The following AEBP2 variants were observed in gnomAD, a reference collection of about 807,000 sequenced individuals.
AEBP2 encodes zinc finger protein AEBP2.
AEBP2 carries 10 observed loss-of-function variants against 50.8 expected under a neutral mutation model. The ratio of observed to expected loss-of-function variants is 0.20; its 90% CI spans 0.12 to 0.33. The LOEUF is 0.33. Ranked by LOEUF, AEBP2 falls within the 10% of genes least tolerant of loss-of-function variation. The pLI, the probability that AEBP2 is intolerant of heterozygous loss-of-function variation, is 1.00. For missense variants in AEBP2, 570 were observed against 688.0 expected (o/e 0.83, Z 1.92); for synonymous variants, 296 against 261.3 (o/e 1.13, Z -1.28).
chr12:19,420,562 G>A (rs886474519), intron 1 of AEBP2, among the ~76,000 whole-genome samples: 1 of 152,028 alleles, frequency 6.6e-6, no homozygotes, highest in Non-Finnish European at 1.5e-5. Context: ...TTGAACTCCT[G>A]TGATCTGCCT....
intron 1 of AEBP2, among the ~76,000 whole-genome samples, chr12:19,430,358 A>G (rs1414019647): frequency 2.6e-5 from 4 of 152,172 alleles, no homozygotes; most frequent in Admixed American, 1.3e-4. Context: ...TACCAGTACC[A>G]TGCTGTTTTG....
At chr12:19,437,713 G>C (rs928467437), upstream of AEBP2, among the ~76,000 whole-genome samples, 1 of 152,198 alleles carries the variant, frequency 6.6e-6, no homozygotes, top group African/African-American at 2.4e-5. Context: ...GATTGCCTTT[G>C]AGGTTTAAAA....
chr12:19,490,543 A>AT (rs1260381794), intron 3 of AEBP2, among the ~76,000 whole-genome samples: 4 of 145,844 alleles, frequency 2.7e-5, no homozygotes, highest in South Asian at 2.2e-4. Context: ...TGCCCGGCTA[A>AT]TTTTTTTTTC....
At position 19,439,765 on chromosome 12, in the gene AEBP2, C is replaced by T; in HGVS notation, c.66C>T (p.Pro22=). 2.6e-6 allele frequency: 4 copies of T among 1,516,668 alleles called. No homozygotes were observed. Among genetic ancestry groups the T allele is most frequent in the East Asian group, 2.7e-5 (1 of 37,612 alleles). The allele number at this position is 1,516,668 out of a possible 1,614,324, so 94.0% of individuals were successfully genotyped here. ...TCTCCCGCCTGAGCCCTCTGCCCCCCGGCAGCCCGGGTTCGGCGGCGCGGG... is the reference window on the plus strand; with the variant it reads ...TCTCCCGCCTGAGCCCTCTGCCCCCTGGCAGCCCGGGTTCGGCGGCGCGGG... ...EELSRLSPLP[P]GSPGSAARGR... Residue 22 remains proline (P), a synonymous_variant, in exon 1 of 8, where the codon CCC becomes CCT. Coordinates refer to ENST00000266508, the MANE Select transcript of AEBP2 (RefSeq NM_153207.5).
At chr12:19,438,488 G>A (rs1947884579), upstream of AEBP2, among the ~76,000 whole-genome samples, 2 of 152,134 alleles carry the variant, frequency 1.3e-5, no homozygotes, top group Non-Finnish European at 2.9e-5. Context: ...ATCCACTGAA[G>A]GTCATAATGT....
chr12:19,441,384 TG>T (rs1947956422), intron 1 of AEBP2, among the ~76,000 whole-genome samples: 3 of 152,248 alleles, frequency 2.0e-5, no homozygotes, highest in Non-Finnish European at 4.4e-5. Context: ...GAGAATCACA[TG>T]CATATTATGC....
At chr12:19,487,286 T>G (rs1431316347) in intron 3 of AEBP2, among the ~76,000 whole-genome samples, 1 of 151,796 alleles carries the variant, frequency 6.6e-6, no homozygotes, top group African/African-American at 2.4e-5. Context: ...TTTCAGGTAT[T>G]TTTTTTTAAG....
intron 2 of AEBP2, among the ~76,000 whole-genome samples, chr12:19,468,260 TC>T (rs1205848676): frequency 4.6e-5 from 7 of 152,108 alleles, no homozygotes; most frequent in Admixed American, 3.9e-4. Flanking sequence ...CTTCTTGAGT[TC>T]CTGGGATTCC....
intron 5 of AEBP2, among the ~76,000 whole-genome samples, chr12:19,506,611 C>T (rs1949158926): frequency 6.6e-6 from 1 of 152,184 alleles, no homozygotes; most frequent in African/African-American, 2.4e-5. Context: ...CTACCTCCAC[C>T]TCCTGCCCTA....
At chr12:19,501,723 A>G (rs1487165702) in intron 5 of AEBP2, among the ~76,000 whole-genome samples, 4 of 151,418 alleles carry the variant, frequency 2.6e-5, no homozygotes, top group African/African-American at 9.7e-5. Context: ...TTGAAATACA[A>G]AAGGTCCTTA....
At chr12:19,483,445 G>A (rs1374183780) in intron 3 of AEBP2, among the ~76,000 whole-genome samples, 3 of 152,034 alleles carry the variant, frequency 2.0e-5, no homozygotes, top group Non-Finnish European at 2.9e-5. Context: ...CCTGTCTCAC[G>A]GAATTTGCAG....
In AEBP2 at chr12:19,473,343, C is replaced by A; in HGVS notation, c.975C>A (p.Asp325Glu). 2.1e-6 allele frequency: 3 copies of A among 1,442,578 alleles called. No individual in the cohort carries two copies. The South Asian group carries it at 4.6e-5, about 22-fold the overall frequency. The allele number at this position is 1,442,578 out of a possible 1,614,324, so 89.4% of individuals were successfully genotyped here. A position where few individuals can be genotyped will look rare whatever the true frequency, so the allele number is the denominator to read the frequency against. ...GGCATATGCTGACACACAGTGGAGACAAACCTTTCAAGGTAAGGATGCATG... is the reference window on the plus strand; with the variant it reads ...GGCATATGCTGACACACAGTGGAGAAAAACCTTTCAAGGTAAGGATGCATG... ...LQRHMLTHSG[D>E]KPFKCVVGGC... Residue 325 changes from aspartate (D) to glutamate (E), a missense_variant, in exon 3 of 8, where the codon GAC (aspartate) becomes GAA (glutamate). By Grantham distance (45) the Asp-to-Glu change is conservative. Transcript: ENST00000266508.
At chr12:19,410,687 T>C (rs1480618888) in intron 1 of AEBP2, among the ~76,000 whole-genome samples, 1 of 152,194 alleles carries the variant, frequency 6.6e-6, no homozygotes, top group Non-Finnish European at 1.5e-5. Context: ...GTTCAGTAAT[T>C]ATTTGTTGAG....
At position 19,407,992 on chromosome 12, in the gene AEBP2, A is replaced by G. The variant is rs111905608; in HGVS notation, c.-17+3776A>G. Among the ~76,000 whole-genome samples the G allele has an allele frequency of 2.8e-3, 425 of 151,694 alleles. 1 individual carries two copies. The highest frequency in any genetic ancestry group is 9.9e-3 in the African/African-American group (409 of 41,398). On this transcript the variant is annotated intron_variant, in intron 1 of 3. Transcript: ENST00000538425. ...CTTGAACCCCGGAGGCGGAGGTTATAGTGAGCTGAGATTGCGCCATTGCAC... is the reference window on the plus strand; with the variant it reads ...CTTGAACCCCGGAGGCGGAGGTTATGGTGAGCTGAGATTGCGCCATTGCAC...
chr12:19,488,167 A>G (rs1948840609), intron 3 of AEBP2, among the ~76,000 whole-genome samples: 1 of 149,914 alleles, frequency 6.7e-6, no homozygotes, highest in African/African-American at 2.5e-5. Flanking sequence ...TCTGTTGCCC[A>G]GGCTAGAGTG....
chr12:19,446,012 C>T (rs1335626812), intron 1 of AEBP2: 1 of 152,160 alleles, frequency 6.6e-6, no homozygotes, highest in Non-Finnish European at 1.5e-5. Context: ...CTCATTTTCT[C>T]TGTATTGTTC....
At chr12:19,460,376 C>T (rs1181283520) in intron 1 of AEBP2, among the ~76,000 whole-genome samples, 1 of 152,186 alleles carries the variant, frequency 6.6e-6, no homozygotes, top group African/African-American at 2.4e-5. Flanking sequence ...GAGTCTCGCT[C>T]TGTCGCCCAG....
At chr12:19,504,158 C>T (rs941111535) in intron 5 of AEBP2, among the ~76,000 whole-genome samples, 6 of 151,210 alleles carry the variant, frequency 4.0e-5, no homozygotes, top group Admixed American at 3.3e-4. Context: ...CCAATGTTGT[C>T]CCCTAACTTG....
Position 19,457,718 on chromosome 12 carries a change from A to G in AEBP2, c.672-4792A>G, listed in dbSNP as rs1003800056. ...CAAACCCATTGTGAAAAGAAAAAAA[A>G]GCTAGTCAGAGAGATCTTTTCGGTT... On this transcript the variant is annotated intron_variant, in intron 1 of 7. Coordinates refer to ENST00000266508, the MANE Select transcript of AEBP2 (RefSeq NM_153207.5). The G allele has an allele frequency of 7.4e-6, 7 of 944,910 alleles. No homozygotes were observed. The African/African-American group carries it at 1.0e-4, about 14-fold the overall frequency. The allele number at this position is 944,910 out of a possible 1,614,324, so 58.5% of individuals were successfully genotyped here.
Sources: allele counts gnomAD v4.1 joint callset (sites outside exome capture counted in the v4.1 genomes callset), GRCh38; gene constraint gnomAD v4.1.1; transcripts MANE v1.5; gene names NCBI Gene and HGNC (gene_info 2026-07-23, HGNC 2026-07-21).